SMC6: variants seen among roughly 807,000 people sequenced by gnomAD.
SMC6 encodes the protein structural maintenance of chromosomes 6.
SMC6 carries 79 observed loss-of-function variants against 142.2 expected under a neutral mutation model. The ratio of observed to expected loss-of-function variants is 0.56; its 90% CI spans 0.46 to 0.67. The LOEUF (loss-of-function observed/expected upper bound fraction) is 0.67, where lower values mean the gene tolerates loss of function less well. Among genes scored for constraint, SMC6 ranks in the 30% least tolerant of loss-of-function variants. The pLI, the probability that SMC6 is intolerant of heterozygous loss-of-function variation, is 0.00. For missense variants in SMC6, 1,072 were observed against 1,284.0 expected (o/e 0.83, Z 2.52); for synonymous variants, 411 against 412.4 (o/e 1.00, Z 0.04).
At chr2:17,692,859 GA>G (rs984334063) in intron 23 of SMC6, among the ~76,000 whole-genome samples, 54 of 151,900 alleles carry the variant, frequency 3.6e-4, no homozygotes, top group Middle Eastern at 3.2e-3. Flanking sequence ...AAATTTACAA[GA>G]AAAAAACAAA....
chr2:17,717,322 AT>A, intron 12 of SMC6, 146 bp from the exon 13 acceptor site: 1 of 547,088 alleles, frequency 1.8e-6, no homozygotes, highest in Non-Finnish European at 3.1e-6. Context: ...AAACCATTAC[AT>A]TTTTTAAAAT....
Position 17,703,287 on chromosome 2 carries a change from A to T in SMC6, c.2012T>A (p.Leu671Ter). Residue 671 changes from leucine to a stop codon, truncating the protein, a stop_gained, in exon 19 of 28, where the codon TTG (leucine) becomes TAG (stop). Transcript: ENST00000448223. LOFTEE classifies it high-confidence loss of function. Reference sequence around the variant, plus strand: ...CGTCTTATTTTCAACCTCATTCTCCAAGTCACTTGATAGGAAAGGAGAAGA... The same window carrying T: ...CGTCTTATTTTCAACCTCATTCTCCTAGTCACTTGATAGGAAAGGAGAAGA... The part of the protein sequence containing the change: ...SRDVDSEISD[L>*]ENEVENKTAQ... 6.3e-7 allele frequency: 1 copy of T among 1,599,410 alleles called. No homozygotes were observed. The highest frequency in any genetic ancestry group is 8.5e-7 in the Non-Finnish European group (1 of 1,175,146).
chr2:17,674,320 A>G (rs775802855), intron 25 of SMC6, among the ~76,000 whole-genome samples: 12 of 152,192 alleles, frequency 7.9e-5, no homozygotes, highest in Non-Finnish European at 1.6e-4. Context: ...CCTACAGATT[A>G]CATAGAAATG....
rs1384917477 is a variant in SMC6, at chr2:17,726,441, T to C, written c.572A>G (p.Gln191Arg). 3 of 1,612,020 alleles carry C rather than the reference T, an allele frequency of 1.9e-6. No homozygotes were observed. The highest frequency in any genetic ancestry group is 2.5e-6 in the Non-Finnish European group (3 of 1,179,502). The stretch of plus-strand genomic sequence containing the variant: ...CTGTAAGAACTGCTTGCTCATTTCT[T>C]GTGTTAAAACAGAAACTGGATTATC... ...QVDNPVSVLT[Q>R]EMSKQFLQSK... The change falls in exon 8 of 28, where the codon CAA becomes CGA. Residue 191 changes from glutamine to arginine, a missense_variant. Physicochemically the swap from Gln to Arg is conservative, Grantham distance 43. Transcript: ENST00000448223.
Position 17,745,967 on chromosome 2 carries a change from T to C in SMC6, c.-5-16A>G, listed in dbSNP as rs750304842. On this transcript the variant is annotated splice_polypyrimidine_tract_variant and intron_variant, in intron 2 of 27. Coordinates refer to ENST00000448223, the MANE Select transcript of SMC6 (RefSeq NM_001142286.2). ...GCCATCAGGTCTGAACAAATATTTA[T>C]AGTAACAATGAGGTAAATCAAGTTC... is the stretch of plus-strand genomic sequence containing the variant. 4 of 1,578,942 alleles carry C rather than the reference T, an allele frequency of 2.5e-6. No individual in the cohort carries two copies. The highest frequency in any genetic ancestry group is 3.4e-6 in the Non-Finnish European group (4 of 1,164,292).
intron 7 of SMC6, among the ~76,000 whole-genome samples, chr2:17,730,828 G>A (rs1005209098): frequency 1.3e-5 from 2 of 150,768 alleles, no homozygotes; most frequent in Non-Finnish European, 3.0e-5. Flanking sequence ...TGGCCAGGCT[G>A]GCCTTGAACT....
At chr2:17,708,792 T>G in intron 16 of SMC6, 39 bp from the exon 17 acceptor site, 1 of 978,318 alleles carries the variant, frequency 1.0e-6, no homozygotes, top group Non-Finnish European at 1.4e-6. Flanking sequence ...CTTAGCAAAT[T>G]TTAATTATAA....
At chr2:17,738,835 A>G (rs1670286163) in intron 4 of SMC6, among the ~76,000 whole-genome samples, 1 of 151,846 alleles carries the variant, frequency 6.6e-6, no homozygotes, top group Non-Finnish European at 1.5e-5. Flanking sequence ...TTTTGTAGAG[A>G]CACAGTGTTG....
intron 23 of SMC6, among the ~76,000 whole-genome samples, 156 bp downstream of exon 23, chr2:17,694,996 A>C (rs1346691313): frequency 6.8e-6 from 1 of 147,670 alleles, no homozygotes; most frequent in Non-Finnish European, 1.5e-5. Flanking sequence ...GTTACTATTT[A>C]TTGAGAATAA....
intron 25 of SMC6, among the ~76,000 whole-genome samples, chr2:17,672,800 T>C (rs1428223608): frequency 1.3e-5 from 2 of 152,242 alleles, no homozygotes; most frequent in South Asian, 4.1e-4. Context: ...CGGAACAGTA[T>C]GTCGCTGTTT....
intron 7 of SMC6, among the ~76,000 whole-genome samples, chr2:17,730,325 G>C (rs1006313463): frequency 6.7e-6 from 1 of 149,966 alleles, no homozygotes; most frequent in Non-Finnish European, 1.5e-5. Context: ...CTCCAAAATA[G>C]AGAAATGCTT....
intron 2 of SMC6, among the ~76,000 whole-genome samples, chr2:17,747,247 GAGA>G (rs1670799219): frequency 6.6e-6 from 1 of 152,206 alleles, no homozygotes. Flanking sequence ...GCCCAGAGGT[GAGA>G]AGACCACTCC....
At chr2:17,683,433 A>G (rs571425759) in intron 24 of SMC6, among the ~76,000 whole-genome samples, 2 of 152,294 alleles carry the variant, frequency 1.3e-5, no homozygotes, top group East Asian at 3.9e-4. Flanking sequence ...AGCATAAAGA[A>G]TATCTAACAG....
chr2:17,731,111 CTCT>C lies in SMC6; in HGVS notation c.507_509del (p.Glu170del), dbSNP rs1558370712. ...TAAAATGATCAAGAATTGCAATCAG[CTCT>C]TCTTTCCTCGTGGAAACCACGGAGC... On this transcript the variant is annotated inframe_deletion, in exon 7 of 28. Coordinates refer to ENST00000448223, the MANE Select transcript of SMC6 (RefSeq NM_001142286.2). The C allele has an allele frequency of 2.5e-6, 4 of 1,612,684 alleles. No individual in the cohort carries two copies. The highest frequency in any genetic ancestry group is 3.4e-6 in the Non-Finnish European group (4 of 1,179,420).
At chr2:17,681,332 C>T (rs1667230734) in intron 24 of SMC6, 1 of 152,168 alleles carries the variant, frequency 6.6e-6, no homozygotes, top group East Asian at 1.9e-4. Context: ...GTTTAATTTT[C>T]TTATCATTAG....
intron 13 of SMC6, 91 bp downstream of exon 13, chr2:17,716,997 C>T: frequency 6.6e-7 from 1 of 1,516,014 alleles, no homozygotes; most frequent in East Asian, 2.3e-5. Flanking sequence ...ATTCCATTAA[C>T]AACAATACAT....
In SMC6 at chr2:17,690,757, C is replaced by T. The variant is rs116408836; in HGVS notation, c.2678+4395G>A. Among the ~76,000 whole-genome samples the T allele has an allele frequency of 1.9e-3, 285 of 152,140 alleles. 1 individual carries two copies. The highest frequency in any genetic ancestry group is 6.7e-3 in the African/African-American group (279 of 41,532). The stretch of plus-strand genomic sequence containing the variant: ...TATAAATAAATGAAAAGATGTTCAA[C>T]TTCACTCAATGTAAGAGAAACGTAC... On this transcript the variant is annotated intron_variant, in intron 23 of 27. Transcript: ENST00000448223.
In SMC6 at chr2:17,703,350, T is replaced by C. The variant is rs1668360482; in HGVS notation, c.2007-58A>G. ...TAAATCTTTTTCTCAATATTACAAA[T>C]ACTTTAGACCTTTACAAAGAAAGCC... On this transcript the variant is annotated intron_variant, in intron 18 of 27. Coordinates refer to ENST00000448223, the MANE Select transcript of SMC6 (RefSeq NM_001142286.2). The C allele has an allele frequency of 3.4e-6, 5 of 1,488,216 alleles. No individual in the cohort carries two copies. The Admixed American group carries it at 8.6e-5, about 25-fold the overall frequency. 92.2% of individuals were successfully genotyped at this position (1,488,216 alleles called of 1,614,324 possible).
At chr2:17,717,593 C>T (rs1363470565) in intron 12 of SMC6, among the ~76,000 whole-genome samples, 2 of 152,184 alleles carry the variant, frequency 1.3e-5, no homozygotes, top group African/African-American at 4.8e-5. Context: ...ATCGCTTAAA[C>T]CCAGGAGGCA....
Sources: allele counts gnomAD v4.1 joint callset (sites outside exome capture counted in the v4.1 genomes callset), GRCh38; gene constraint gnomAD v4.1.1; transcripts MANE v1.5; gene names NCBI Gene and HGNC (gene_info 2026-07-23, HGNC 2026-07-21).